The following GRID2IP variants were observed in gnomAD, a reference collection of about 807,000 sequenced individuals.
GRID2IP encodes the protein delphilin.
In GRID2IP, 78 loss-of-function variants were observed where a neutral mutation model predicts 114.3. The observed-to-expected ratio is 0.68, with a 90% CI of 0.57 to 0.82. GRID2IP has a LOEUF of 0.82. Ranked by LOEUF, GRID2IP falls within the 40% of genes least tolerant of loss-of-function variation. GRID2IP has a pLI of 0.00. For missense variants in GRID2IP, 1,727 were observed against 1,678.5 expected, an observed-to-expected ratio of 1.03 and a Z score of -0.51; for synonymous variants, 809 against 724.0, an observed-to-expected ratio of 1.12 and a Z score of -1.89.
chr7:6,545,179 C>T (rs189008002), intron 1 of GRID2IP, among the ~76,000 whole-genome samples: 50 of 151,950 alleles, frequency 3.3e-4, no homozygotes, highest in South Asian at 1.2e-3. Flanking sequence ...CTTGGGAGGC[C>T]GAGGTAGGAG....
chr7:6,509,415 G>A lies in GRID2IP; in HGVS notation c.1772-102C>T, dbSNP rs1001909227. 2.9e-5 allele frequency: 31 copies of A among 1,078,242 alleles called. No individual in the cohort carries two copies. The highest frequency in any genetic ancestry group is 3.9e-5 in the Non-Finnish European group (31 of 786,234). 66.8% of individuals were successfully genotyped at this position (1,078,242 alleles called of 1,614,324 possible). The stretch of plus-strand genomic sequence containing the variant: ...TAGGACAGACTGGCTCTGTGTCCCA[G>A]GCCACTCTCCTTTCCCTCTCTGGGC... On this transcript the variant is annotated intron_variant, in intron 11 of 21. Coordinates refer to ENST00000457091, the MANE Select transcript of GRID2IP (RefSeq NM_001145118.2). This position sits in a 1 kb window ranked among gnomAD's most constrained non-coding sequence, Gnocchi z 4.9.
At position 6,533,522 on chromosome 7, in the gene GRID2IP, C is replaced by G. The variant is rs530489841; in HGVS notation, c.584+6196G>C. On this transcript the variant is annotated intron_variant, in intron 2 of 21. Transcript: ENST00000457091. ...TACAGGCATGTACCACTATGCCTGG[C>G]TAATTTTTTAATTTTTTTGTGTGTA... Among the ~76,000 whole-genome samples the G allele has an allele frequency of 1.9e-3, 295 of 151,836 alleles. 1 individual carries two copies. The Middle Eastern group carries it at 0.034, about 18-fold the overall frequency.
chr7:6,513,302 T>A (rs532818738), intron 8 of GRID2IP, among the ~76,000 whole-genome samples: 26 of 151,564 alleles, frequency 1.7e-4, no homozygotes, highest in African/African-American at 5.6e-4. Context: ...GCAGCCTTGA[T>A]CTCCTGCACT....
chr7:6,529,472 C>T (rs1213679105), intron 2 of GRID2IP, among the ~76,000 whole-genome samples: 2 of 152,122 alleles, frequency 1.3e-5, no homozygotes, highest in Admixed American at 1.3e-4. Flanking sequence ...AAGGCCCTGT[C>T]CCCCAGGTGG....
Position 6,551,038 on chromosome 7 carries a change from G to C in GRID2IP, c.399C>G (p.Arg133=). ...RKRPDAVHRE[R]RRKAQEFSRK... ...GGCTGAACTCTTGGGCCTTGCGCCTGCGCTCTCGGTGCACCGCGTCCGGGC... is the reference window on the plus strand; with the variant it reads ...GGCTGAACTCTTGGGCCTTGCGCCTCCGCTCTCGGTGCACCGCGTCCGGGC... Residue 133 remains arginine (R), a synonymous_variant, in exon 1 of 22, where the codon CGC becomes CGG. Transcript: ENST00000457091. 1 of 1,291,122 alleles carries C rather than the reference G, an allele frequency of 7.7e-7. No homozygotes were observed. The highest frequency in any genetic ancestry group is 2.4e-5 in the South Asian group (1 of 42,060). The allele number at this position is 1,291,122 out of a possible 1,614,324, so 80.0% of individuals were successfully genotyped here.
At chr7:6,544,378 C>T (rs969431450) in intron 1 of GRID2IP, among the ~76,000 whole-genome samples, 4 of 151,910 alleles carry the variant, frequency 2.6e-5, no homozygotes, top group Non-Finnish European at 4.4e-5. Flanking sequence ...CTCCCGGGTT[C>T]AAGCGACGCT....
rs764810113 is a variant in GRID2IP, at chr7:6,526,641, C to T, written c.713G>A (p.Arg238Gln). ...CGTGGACACCAGGAGGCGCTCCGGC[C>T]GCTCCTCGCTGCGGCTCCGGCGCAG... ...QRLRRSRSEE[R>Q]PERLLVSTRA... Residue 238 changes from arginine (R) to glutamine (Q), a missense_variant, in exon 3 of 22, where the codon CGG (arginine) becomes CAG (glutamine). Coordinates refer to ENST00000457091, the MANE Select transcript of GRID2IP (RefSeq NM_001145118.2). The surrounding 1 kb of genome is among the most constrained non-coding windows in gnomAD (Gnocchi z 7.6). The T allele has an allele frequency of 1.5e-6, 2 of 1,370,414 alleles. No homozygotes were observed. The highest frequency in any genetic ancestry group is 1.5e-5 in the African/African-American group (1 of 64,982). The allele number at this position is 1,370,414 out of a possible 1,614,324, so 84.9% of individuals were successfully genotyped here. A position where few individuals can be genotyped will look rare whatever the true frequency, so the allele number is the denominator to read the frequency against.
intron 1 of GRID2IP, among the ~76,000 whole-genome samples, chr7:6,550,500 AAC>A (rs1167204087): frequency 1.3e-5 from 2 of 152,002 alleles, no homozygotes; most frequent in African/African-American, 2.4e-5. Context: ...ATAAAAAAGA[AAC>A]ACAAGTGAAT....
intron 1 of GRID2IP, among the ~76,000 whole-genome samples, chr7:6,549,471 G>T (rs1779934866): frequency 6.6e-6 from 1 of 152,200 alleles, no homozygotes; most frequent in Non-Finnish European, 1.5e-5. Context: ...TTGTGCCAAA[G>T]TCAAGAGGAA....
rs746912330 is a variant in GRID2IP at position 6,521,872 on chromosome 7, C to T, written c.989+16G>A. ...CAGCTCCTCACCAACCCCTGGTGTC[C>T]CCAATAGCCTCTGACCTCATGTCCA... On this transcript the variant is annotated intron_variant, in intron 5 of 21. Coordinates refer to ENST00000457091, the MANE Select transcript of GRID2IP (RefSeq NM_001145118.2). This position sits in a 1 kb window ranked among gnomAD's most constrained non-coding sequence, Gnocchi z 4.1. The T allele has an allele frequency of 1.3e-6, 2 of 1,546,582 alleles. No individual in the cohort carries two copies. The highest frequency in any genetic ancestry group is 8.8e-7 in the Non-Finnish European group (1 of 1,142,492).
Position 6,508,342 on chromosome 7 carries a change from G to A in GRID2IP, c.2187C>T (p.Asp729=). The change falls in exon 13 of 22, where the codon GAC becomes GAT. Residue 729 remains aspartate, a synonymous_variant. Coordinates refer to ENST00000457091, the MANE Select transcript of GRID2IP (RefSeq NM_001145118.2). The surrounding 1 kb of genome is among the most constrained non-coding windows in gnomAD (Gnocchi z 5.6). The part of the protein sequence containing the change: ...FVTNERSSAS[D]CISSSEEGSS... ...TGCCTTCTTCACTGCTGCTGATGCA[G>A]TCGCTGGCGCTGCTCCGCTCATTGG... 1.3e-6 allele frequency: 2 copies of A among 1,551,616 alleles called. No individual in the cohort carries two copies. Among genetic ancestry groups the A allele is most frequent in the Non-Finnish European group, 1.7e-6 (2 of 1,147,054 alleles).
rs1413542468 is a variant in GRID2IP, at chr7:6,526,599, G to T, written c.755C>A (p.Pro252Gln). Residue 252 changes from proline (P) to glutamine (Q), a missense_variant, in exon 3 of 22, where the codon CCG (proline) becomes CAG (glutamine). Pro to Gln is a moderately conservative substitution (Grantham distance 76). Coordinates refer to ENST00000457091, the MANE Select transcript of GRID2IP (RefSeq NM_001145118.2). The surrounding 1 kb of genome is among the most constrained non-coding windows in gnomAD (Gnocchi z 7.6). ...LLVSTRASAP[P>Q]RRPDEPPPRR... ...CGGGGGCGGCTCATCGGGGCGGCGCGGCGGGGCGCTGGCGCGCGTGGACAC... is the reference window on the plus strand; with the variant it reads ...CGGGGGCGGCTCATCGGGGCGGCGCTGCGGGGCGCTGGCGCGCGTGGACAC... 2.2e-5 allele frequency: 26 copies of T among 1,192,870 alleles called. No individual in the cohort carries two copies. The highest frequency in any genetic ancestry group is 4.1e-5 in the South Asian group (1 of 24,190). 73.9% of individuals were successfully genotyped at this position (1,192,870 alleles called of 1,614,324 possible). A position where few individuals can be genotyped will look rare whatever the true frequency, so the allele number is the denominator to read the frequency against.
rs1779565975 is a variant in GRID2IP, at chr7:6,528,909, G to A, written c.585-2140C>T. On this transcript the variant is annotated intron_variant, in intron 2 of 21. Coordinates refer to ENST00000457091, the MANE Select transcript of GRID2IP (RefSeq NM_001145118.2). The surrounding 1 kb of genome is among the most constrained non-coding windows in gnomAD (Gnocchi z 6.0). ...TCCGGAAACACAGCCTCATCCCCCA[G>A]ATGGTCATTTAAGGTCTCCAGAGCC... 6.6e-6 allele frequency among the ~76,000 whole-genome samples: 1 copy of A among 152,138 alleles called. No individual in the cohort carries two copies. The highest frequency in any genetic ancestry group is 1.5e-5 in the Non-Finnish European group (1 of 68,034).
intron 1 of GRID2IP, among the ~76,000 whole-genome samples, chr7:6,548,925 G>A (rs1014199667): frequency 2.0e-5 from 3 of 152,108 alleles, no homozygotes; most frequent in Admixed American, 6.6e-5. Context: ...TGTCCACAGG[G>A]GTCCGATAGC....
Position 6,521,799 on chromosome 7 carries a change from T to C in GRID2IP, c.989+89A>G. The C allele has an allele frequency of 1.0e-6, 1 of 995,388 alleles. No homozygotes were observed. The highest frequency in any genetic ancestry group is 1.5e-6 in the Non-Finnish European group (1 of 651,144). The allele number at this position is 995,388 out of a possible 1,614,324, so 61.7% of individuals were successfully genotyped here. A position where few individuals can be genotyped will look rare whatever the true frequency, so the allele number is the denominator to read the frequency against. On this transcript the variant is annotated intron_variant, in intron 5 of 21. Coordinates refer to ENST00000457091, the MANE Select transcript of GRID2IP (RefSeq NM_001145118.2). This position sits in a 1 kb window ranked among gnomAD's most constrained non-coding sequence, Gnocchi z 4.1. ...ACCAAATGGTGAGAGGAGATTGTGA[T>C]CACAGCCTGGGTGCCCCAAGAGGCA... is the stretch of plus-strand genomic sequence containing the variant.
At chr7:6,531,398 C>T (rs1297438638) in intron 2 of GRID2IP, among the ~76,000 whole-genome samples, 1 of 152,236 alleles carries the variant, frequency 6.6e-6, no homozygotes, top group Non-Finnish European at 1.5e-5. Context: ...TATTCCCTTC[C>T]CAGGATCCTC....
At position 6,523,854 on chromosome 7, in the gene GRID2IP, G is replaced by C. The variant is rs988727309; in HGVS notation, c.920-1897C>G. ...TGGATTCTAACAAGGCCCTAGGCCA[G>C]GTATCTCTGGCTACACATGTGGGAG... On this transcript the variant is annotated intron_variant, in intron 4 of 21. Coordinates refer to ENST00000457091, the MANE Select transcript of GRID2IP (RefSeq NM_001145118.2). This position sits in a 1 kb window ranked among gnomAD's most constrained non-coding sequence, Gnocchi z 4.5. 6.6e-6 allele frequency among the ~76,000 whole-genome samples: 1 copy of C among 152,168 alleles called. No homozygotes were observed. The highest frequency in any genetic ancestry group is 2.4e-5 in the African/African-American group (1 of 41,440).
intron 4 of GRID2IP, 131 bp from the exon 5 acceptor site, chr7:6,522,088 A>G: frequency 1.5e-6 from 1 of 687,614 alleles, no homozygotes; most frequent in Non-Finnish European, 2.5e-6. Context: ...GGTGGCTCAC[A>G]CCTGTAACCT....
intron 18 of GRID2IP, among the ~76,000 whole-genome samples, 162 bp from the exon 19 acceptor site, chr7:6,502,280 A>G (rs1786438477): frequency 6.6e-6 from 1 of 151,908 alleles, no homozygotes; most frequent in Non-Finnish European, 1.5e-5. Flanking sequence ...GCTGGAGTGC[A>G]GTGGCTCCAT....
Sources: allele counts gnomAD v4.1 joint callset (sites outside exome capture counted in the v4.1 genomes callset), GRCh38; gene constraint gnomAD v4.1.1; non-coding constraint Gnocchi (gnomAD v3.1); transcripts MANE v1.5; gene names NCBI Gene and HGNC (gene_info 2026-07-23, HGNC 2026-07-21).